Variants in INTS4 observed in about 807,000 individuals in gnomAD.
INTS4 encodes MSTP093.
A neutral mutation model predicts 119.5 loss-of-function variants in INTS4; 70 were observed. The ratio of observed to expected loss-of-function variants is 0.59; its 90% CI spans 0.48 to 0.71. INTS4 has a LOEUF of 0.71. INTS4 is among the 30% of genes least tolerant of loss of function. The pLI is 0.00. For missense variants in INTS4, 867 were observed against 1,173.2 expected (o/e 0.74, Z 3.81); for synonymous variants, 316 against 419.6 (o/e 0.75, Z 3.02).
intron 10 of INTS4, among the ~76,000 whole-genome samples, chr11:77,937,883 G>A (rs974214719): frequency 6.6e-6 from 1 of 151,258 alleles, no homozygotes; most frequent in African/African-American, 2.4e-5. Flanking sequence ...TTGCTCTGTT[G>A]CTTGCTCAGG....
chr11:77,921,386 T>C lies in INTS4; in HGVS notation c.1718A>G (p.Tyr573Cys), dbSNP rs1387654887. ...AGAAAGACTGTCTCGGAGGTAGGCA[T>C]AGTGCCTGAAGGTGTGATCTGAGAA... ...ALFSDHTFRH[Y>C]AYLRDSLSHL... The change falls in exon 14 of 23, where the codon TAT (tyrosine) becomes TGT (cysteine). Residue 573 changes from tyrosine (Y) to cysteine (C), a missense_variant. By Grantham distance (194) the Tyr-to-Cys change is radical (BLOSUM62 -2). Coordinates refer to ENST00000534064, the MANE Select transcript of INTS4 (RefSeq NM_033547.4). 1 of 1,613,432 alleles carries C rather than the reference T, an allele frequency of 6.2e-7. No individual in the cohort carries two copies. The highest frequency in any genetic ancestry group is 8.5e-7 in the Non-Finnish European group (1 of 1,179,368).
intron 14 of INTS4, 75 bp downstream of exon 14, chr11:77,921,265 C>A: frequency 2.6e-6 from 4 of 1,510,920 alleles, no homozygotes; most frequent in East Asian, 2.3e-5. Context: ...ACCCCCATCT[C>A]AAAGGAAAAC....
rs1952274378 is a variant in INTS4, at chr11:77,891,679, A to T, written c.2448+2T>A. ...GCCTACAGGGGCCAAATAGACCCTGACCTGCTCTGGAAGCGGGAGATGCAG... is the reference window on the plus strand; with the variant it reads ...GCCTACAGGGGCCAAATAGACCCTGTCCTGCTCTGGAAGCGGGAGATGCAG... On this transcript the variant is annotated splice_donor_variant, in intron 20 of 22. Coordinates refer to ENST00000534064, the MANE Select transcript of INTS4 (RefSeq NM_033547.4). LOFTEE classifies it high-confidence loss of function. 1 of 1,611,974 alleles carries T rather than the reference A, an allele frequency of 6.2e-7. No homozygotes were observed. The highest frequency in any genetic ancestry group is 8.5e-7 in the Non-Finnish European group (1 of 1,179,844).
intron 15 of INTS4, 39 bp from the exon 16 acceptor site, chr11:77,907,849 G>A (rs1232374922): frequency 1.6e-6 from 2 of 1,255,364 alleles, no homozygotes; most frequent in East Asian, 4.7e-5. Flanking sequence ...CACAGGATAA[G>A]GATAATGCCA....
At chr11:77,956,285 C>G (rs994991697) in intron 7 of INTS4, among the ~76,000 whole-genome samples, 3 of 152,162 alleles carry the variant, frequency 2.0e-5, no homozygotes, top group African/African-American at 7.2e-5. Flanking sequence ...GTGGCATGCG[C>G]TGATAGTCCC....
Position 77,960,974 on chromosome 11 carries a change from T to C in INTS4, c.636A>G (p.Arg212=). The change falls in exon 5 of 23, where the codon AGA becomes AGG. Residue 212 remains arginine (R), a synonymous_variant. Coordinates refer to ENST00000534064, the MANE Select transcript of INTS4 (RefSeq NM_033547.4). ...TTACCATGGCTTTTATAGCTGCTGT[T>C]CTGACACGTGGGTCTTGGTCACTGA... ...DYFSDQDPRV[R]TAAIKAMLQL... is the part of the protein sequence containing the mutation. The C allele has an allele frequency of 6.2e-7, 1 of 1,609,784 alleles. No homozygotes were observed. The highest frequency in any genetic ancestry group is 8.5e-7 in the Non-Finnish European group (1 of 1,178,336).
chr11:77,883,455 T>C (rs1306946028), intron 22 of INTS4, among the ~76,000 whole-genome samples: 1 of 152,196 alleles, frequency 6.6e-6, no homozygotes. Flanking sequence ...ATTATTGTCA[T>C]TTGGAAGATA....
intron 2 of INTS4, chr11:77,987,481 A>T: frequency 3.2e-6 from 1 of 311,932 alleles, no homozygotes; most frequent in Non-Finnish European, 6.5e-6. Context: ...TTGGTAACAG[A>T]TCTTTAATAT....
At chr11:77,987,628 G>A (rs1463669161) in intron 2 of INTS4, 2 of 451,100 alleles carry the variant, frequency 4.4e-6, no homozygotes, top group South Asian at 3.1e-5. Context: ...TCCTTTGGGA[G>A]GGCCAAGCAG....
chr11:77,947,359 AATCAAAC>A (rs1255938613), intron 8 of INTS4, among the ~76,000 whole-genome samples: 8 of 152,356 alleles, frequency 5.3e-5, no homozygotes, highest in Admixed American at 1.3e-4. Flanking sequence ...GGTACATTAT[AATCAAAC>A]TATCGAAAGT....
intron 8 of INTS4, among the ~76,000 whole-genome samples, chr11:77,942,311 T>C (rs1240636983): frequency 2.0e-5 from 3 of 152,084 alleles, no homozygotes; most frequent in East Asian, 3.9e-4. Flanking sequence ...GAGGTATACG[T>C]GGAGAAATGA....
chr11:77,937,596 T>C (rs1953828298), intron 10 of INTS4, among the ~76,000 whole-genome samples: 1 of 151,986 alleles, frequency 6.6e-6, no homozygotes, highest in Non-Finnish European at 1.5e-5. Context: ...ATTAAAAAAT[T>C]AGCCGGGCAT....
At chr11:77,877,132 T>C (rs977217641), downstream of INTS4, 2 of 671,664 alleles carry the variant, frequency 3.0e-6, no homozygotes, top group East Asian at 2.7e-5. Flanking sequence ...CTCGTGGAAA[T>C]AGACTGCCTG....
chr11:77,902,105 C>T (rs1479273930), intron 17 of INTS4, among the ~76,000 whole-genome samples: 8 of 152,308 alleles, frequency 5.3e-5, no homozygotes, highest in East Asian at 1.9e-4. Flanking sequence ...CAAAATGATG[C>T]TTCTCTTTTC....
chr11:77,991,171 C>G lies in INTS4; in HGVS notation c.183G>C (p.Arg61Ser), dbSNP rs772847334. 6.2e-7 allele frequency: 1 copy of G among 1,614,158 alleles called. No individual in the cohort carries two copies. The highest frequency in any genetic ancestry group is 1.1e-5 in the South Asian group (1 of 91,084). The stretch of plus-strand genomic sequence containing the variant: ...CTACGCTTTCCGCCTCGACAGGCTT[C>G]CTGGCAAACTGGAGCAAGTATTGCA... The part of the protein sequence containing the change: ...DALQYLLQFA[R>S]KPVEAESVEG... Residue 61 changes from arginine (R) to serine (S), a missense_variant, in exon 2 of 23, where the codon AGG becomes AGC. By Grantham distance (110) the Arg-to-Ser change is moderately radical. Around this residue, in one of 5 missense-constraint regions of INTS4, gnomAD observed 224 missense variants for 231.8 expected, o/e 0.97. Coordinates refer to ENST00000534064, the MANE Select transcript of INTS4 (RefSeq NM_033547.4).
chr11:77,918,415 TCAAA>T, intron 15 of INTS4: 16 of 45,644 alleles, frequency 3.5e-4, no homozygotes, highest in South Asian at 1.8e-3. Flanking sequence ...AGACCCTGTC[TCAAA>T]AAAAAAAAAA....
At chr11:77,993,293 C>G (rs963923752) in intron 1 of INTS4, among the ~76,000 whole-genome samples, 1 of 152,192 alleles carries the variant, frequency 6.6e-6, no homozygotes, top group Admixed American at 6.5e-5. Flanking sequence ...GCTACAGAAA[C>G]AGGTGAAGAA....
intron 18 of INTS4, chr11:77,900,654 A>G: frequency 2.9e-6 from 2 of 696,342 alleles, no homozygotes; most frequent in Non-Finnish European, 5.2e-6. Flanking sequence ...TGATGCCATC[A>G]TTCTTAAGAT....
intron 21 of INTS4, among the ~76,000 whole-genome samples, chr11:77,889,591 G>A (rs1292174003): frequency 6.6e-6 from 1 of 152,120 alleles, no homozygotes; most frequent in Non-Finnish European, 1.5e-5. Flanking sequence ...GTTCTGCAGG[G>A]TTTGCTTTAA....
Sources: gnomAD v4.1 joint callset for allele counts (sites outside exome capture counted in the v4.1 genomes callset) on GRCh38, gnomAD v4.1.1 for gene constraint, gnomAD v4.1.1 regional missense constraint, MANE v1.5 for transcripts, NCBI Gene and HGNC (gene_info 2026-07-23, HGNC 2026-07-21) for gene names.